The following TLL1 variants were observed in gnomAD, a reference collection of about 807,000 sequenced individuals.
TLL1 encodes tolloid-like protein 1.
In TLL1, 49 loss-of-function variants were observed where a neutral mutation model predicts 128.2. The observed-to-expected ratio is 0.38, with a 90% CI of 0.30 to 0.48. The LOEUF (loss-of-function observed/expected upper bound fraction) is 0.48. TLL1 is among the 20% of genes least tolerant of loss of function. The probability of loss-of-function intolerance (pLI) is 0.96; values close to 1 mark genes in which losing one functional copy is unlikely to be tolerated. For missense variants in TLL1, 1,123 were observed against 1,242.0 expected (o/e 0.90, Z 1.44); for synonymous variants, 454 against 418.8 (o/e 1.08, Z -1.03).
At chr4:165,919,977 A>G (rs575499942) in intron 1 of TLL1, 2 of 364,272 alleles carry the variant, frequency 5.5e-6, no homozygotes, top group Non-Finnish European at 1.1e-5. Flanking sequence ...AAATCCCTTC[A>G]GTGATTGAGG....
chr4:166,027,484 C>T (rs1431948962), intron 9 of TLL1, among the ~76,000 whole-genome samples: 1 of 152,138 alleles, frequency 6.6e-6, no homozygotes, highest in Non-Finnish European at 1.5e-5. Flanking sequence ...ATGAAATACT[C>T]ATGTAACATA....
chr4:165,985,716 T>C (rs1169988331), intron 1 of TLL1, among the ~76,000 whole-genome samples: 1 of 152,064 alleles, frequency 6.6e-6, no homozygotes, highest in African/African-American at 2.4e-5. Context: ...ATTCTCATCA[T>C]ACATTATTTT....
chr4:166,046,526 T>C (rs1267751552), intron 12 of TLL1, among the ~76,000 whole-genome samples: 1 of 152,182 alleles, frequency 6.6e-6, no homozygotes, highest in African/African-American at 2.4e-5. Flanking sequence ...CAAATCTGCT[T>C]ATTTACTAAA....
rs1739144029 is a variant in TLL1, at chr4:166,039,414, G to A, written c.1234G>A (p.Gly412Arg). The A allele has an allele frequency of 3.7e-6, 6 of 1,612,482 alleles. No homozygotes were observed. Among genetic ancestry groups the A allele is most frequent in the South Asian group, 1.1e-5 (1 of 91,054 alleles). The change falls in exon 10 of 21, where the codon GGG becomes AGG. Residue 412 changes from glycine to arginine, a missense_variant. Around this residue, in one of 3 missense-constraint regions of TLL1, gnomAD observed 480 missense variants for 542.4 expected, o/e 0.89. Coordinates refer to ENST00000061240, the MANE Select transcript of TLL1 (RefSeq NM_012464.5). The part of the protein sequence containing the change: ...CWYDYIEVRD[G>R]YWRKSPLLGR... Reference sequence around the variant, plus strand: ...GTATGACTATATTGAAGTAAGAGACGGGTACTGGAGAAAATCACCTCTCCT... The same window carrying A: ...GTATGACTATATTGAAGTAAGAGACAGGTACTGGAGAAAATCACCTCTCCT...
chr4:166,028,864 A>G (rs1738625378), intron 9 of TLL1, among the ~76,000 whole-genome samples: 1 of 151,888 alleles, frequency 6.6e-6, no homozygotes, highest in African/African-American at 2.4e-5. Flanking sequence ...ATAATTTCCA[A>G]CCTTTTGTTT....
chr4:166,061,417 T>C (rs1740308213), intron 15 of TLL1, among the ~76,000 whole-genome samples: 1 of 151,954 alleles, frequency 6.6e-6, no homozygotes, highest in South Asian at 2.1e-4. Context: ...CAGCTAATTT[T>C]TGCATTTAGT....
intron 12 of TLL1, among the ~76,000 whole-genome samples, chr4:166,043,796 GAAC>G (rs1739339020): frequency 7.0e-6 from 1 of 142,266 alleles, no homozygotes. Flanking sequence ...TTTGTAAGAG[GAAC>G]AAAACATTTT....
chr4:166,044,481 ATTT>A, intron 12 of TLL1: 34 of 1,422,352 alleles, frequency 2.4e-5, no homozygotes, highest in Non-Finnish European at 3.2e-5. Flanking sequence ...TGCATGTACC[ATTT>A]AACTTCCCAG....
At chr4:166,094,834 G>C (rs766078947) in intron 19 of TLL1, among the ~76,000 whole-genome samples, 1 of 151,870 alleles carries the variant, frequency 6.6e-6, no homozygotes, top group Non-Finnish European at 1.5e-5. Flanking sequence ...TCTTTAACAG[G>C]TTCATTTATT....
Position 166,060,171 on chromosome 4 carries a change from G to A in TLL1, c.1990G>A (p.Glu664Lys), listed in dbSNP as rs1262062203. Residue 664 changes from glutamate (E) to lysine (K), a missense_variant, in exon 15 of 21, where the codon GAA (glutamate) becomes AAA (lysine). By Grantham distance (56) the Glu-to-Lys change is moderately conservative. This residue lies in a region of TLL1 where 634 missense variants were observed against 672.4 expected (regional missense o/e 0.94). Coordinates refer to ENST00000061240, the MANE Select transcript of TLL1 (RefSeq NM_012464.5). ...YRISVKFEFF[E>K]LEGNEVCKYD... ...AATTTCTGTGAAGTTTGAGTTTTTT[G>A]AATTGGAAGGCAATGAAGTAAGTGA... 1.2e-6 allele frequency: 2 copies of A among 1,612,766 alleles called. No individual in the cohort carries two copies. Among genetic ancestry groups the A allele is most frequent in the Non-Finnish European group, 1.7e-6 (2 of 1,179,672 alleles).
intron 9 of TLL1, among the ~76,000 whole-genome samples, chr4:166,028,070 TC>T (rs1738589137): frequency 1.3e-5 from 2 of 152,086 alleles, no homozygotes; most frequent in African/African-American, 4.8e-5. Flanking sequence ...TTTCTTATTT[TC>T]TTTCTCCTAA....
rs1412408365 is a variant in TLL1 at position 166,099,894 on chromosome 4, G to GA, written c.2907+374dup. ...CACGTTTCTGAATTAAAGCATAAAG[G>GA]AAAAAAATAATATGCACACCATTCT... On this transcript the variant is annotated intron_variant, in intron 20 of 20. Transcript: ENST00000061240. Among the ~76,000 whole-genome samples the GA allele has an allele frequency of 2.6e-5, 4 of 152,058 alleles. No individual in the cohort carries two copies. The East Asian group carries it at 7.8e-4, about 30-fold the overall frequency.
At chr4:166,034,600 A>G (rs1183664965) in intron 9 of TLL1, among the ~76,000 whole-genome samples, 2 of 152,168 alleles carry the variant, frequency 1.3e-5, no homozygotes, top group Non-Finnish European at 2.9e-5. Flanking sequence ...TTGTGAAACT[A>G]TTACATTATA....
rs754437571 is a variant in TLL1, at chr4:166,100,926, A to G, written c.*50A>G. ...AAGGAATGTGCATAATGGAGAGAAG[A>G]CATATTTTTTTTAAAACTGAAGATA... On this transcript the variant is annotated 3_prime_UTR_variant, in exon 21 of 21. Transcript: ENST00000061240. 3.7e-6 allele frequency: 6 copies of G among 1,602,574 alleles called. No homozygotes were observed. The East Asian group carries it at 1.4e-4, about 36-fold the overall frequency.
intron 14 of TLL1, among the ~76,000 whole-genome samples, chr4:166,059,203 G>A (rs1479136744): frequency 6.6e-6 from 1 of 150,580 alleles, no homozygotes; most frequent in Non-Finnish European, 1.5e-5. Flanking sequence ...ATATGTATAT[G>A]TGTATACACA....
chr4:166,022,268 G>A (rs1261997422), intron 8 of TLL1, among the ~76,000 whole-genome samples: 2 of 151,620 alleles, frequency 1.3e-5, no homozygotes, highest in Non-Finnish European at 2.9e-5. Flanking sequence ...GGGTTCAAGC[G>A]ATTCCTGCCT....
chr4:166,060,627 G>A (rs576691921), intron 15 of TLL1, among the ~76,000 whole-genome samples: 15 of 152,264 alleles, frequency 9.9e-5, no homozygotes, highest in African/African-American at 2.4e-4. Flanking sequence ...GAATGTGCTC[G>A]TGGTTCATAA....
At chr4:166,055,475 ATATTCTACCATC>A (rs1739962146) in intron 13 of TLL1, among the ~76,000 whole-genome samples, 1 of 152,116 alleles carries the variant, frequency 6.6e-6, no homozygotes, top group African/African-American at 2.4e-5. Context: ...TTCCATTAGG[ATATTCTACCATC>A]TGTTTTTTAT....
At chr4:166,008,583 T>C (rs534048877) in intron 7 of TLL1, among the ~76,000 whole-genome samples, 1 of 151,708 alleles carries the variant, frequency 6.6e-6, no homozygotes, top group Non-Finnish European at 1.5e-5. Flanking sequence ...TCATATAATT[T>C]AGAATTATAG....
Sources: allele counts gnomAD v4.1 joint callset (sites outside exome capture counted in the v4.1 genomes callset), GRCh38; gene constraint gnomAD v4.1.1; regional missense constraint gnomAD v4.1.1; transcripts MANE v1.5; gene names NCBI Gene and HGNC (gene_info 2026-07-23, HGNC 2026-07-21).